Variants in KAZN observed in about 807,000 individuals in gnomAD.
KAZN encodes the protein kazrin, periplakin interacting protein, also known as kazrin.
KAZN carries 40 observed loss-of-function variants against 87.4 expected under a neutral mutation model. The ratio of observed to expected loss-of-function variants is 0.46; its 90% CI spans 0.36 to 0.60. The LOEUF is 0.60. Ranked by LOEUF, KAZN falls within the 20% of genes least tolerant of loss-of-function variation. KAZN has a pLI of 0.00. For missense variants in KAZN, 898 were observed against 1,073.9 expected (o/e 0.84, Z 2.29); for synonymous variants, 466 against 458.3 (o/e 1.02, Z -0.22).
At chr1:15,046,900 G>A (rs191821209) in intron 4 of KAZN, among the ~76,000 whole-genome samples, 2 of 152,338 alleles carry the variant, frequency 1.3e-5, no homozygotes, top group Non-Finnish European at 1.5e-5. Flanking sequence ...CATGCCTTGT[G>A]GACAGACAGA....
intron 2 of KAZN, among the ~76,000 whole-genome samples, chr1:14,299,414 A>G (rs1248324279): frequency 2.0e-5 from 3 of 152,084 alleles, no homozygotes; most frequent in Non-Finnish European, 2.9e-5. Flanking sequence ...GAGGCAGGAG[A>G]ATTGTTTGAA....
chr1:15,037,377 G>A (rs752935727), intron 3 of KAZN, among the ~76,000 whole-genome samples: 5 of 152,176 alleles, frequency 3.3e-5, no homozygotes, highest in Admixed American at 2.0e-4. Context: ...CCAGGGTCAC[G>A]CAGGGATTAA....
chr1:14,948,435 A>C (rs756862969), intron 1 of KAZN, among the ~76,000 whole-genome samples: 1 of 152,172 alleles, frequency 6.6e-6, no homozygotes, highest in African/African-American at 2.4e-5. Context: ...CCTGGTGCAG[A>C]GATTTACCTC....
At chr1:14,701,850 G>A (rs6689804) in intron 1 of KAZN, among the ~76,000 whole-genome samples, 65,005 of 151,926 alleles carry the variant, frequency 0.43, 15,118 homozygotes, top group South Asian at 0.57. Flanking sequence ...TTCCCTGACC[G>A]TCTCACACTG....
intron 1 of KAZN, among the ~76,000 whole-genome samples, chr1:14,804,789 C>G (rs202173492): frequency 6.6e-6 from 1 of 151,456 alleles, no homozygotes; most frequent in Non-Finnish European, 1.5e-5. Flanking sequence ...CAGATCAAGA[C>G]GAGCTGTGGT....
chr1:14,500,608 A>C (rs1670184198), intron 2 of KAZN, among the ~76,000 whole-genome samples: 1 of 151,990 alleles, frequency 6.6e-6, no homozygotes, highest in South Asian at 2.1e-4. Flanking sequence ...TGGAACCGAA[A>C]CACATGAAAG....
chr1:13,930,386 A>G (rs1640462132), intron 1 of KAZN, among the ~76,000 whole-genome samples: 1 of 152,170 alleles, frequency 6.6e-6, no homozygotes, highest in Admixed American at 6.5e-5. Flanking sequence ...TCGACCCACA[A>G]ATGAGAAATA....
intron 1 of KAZN, among the ~76,000 whole-genome samples, chr1:14,829,065 C>A (rs1646981040): frequency 6.6e-6 from 1 of 152,198 alleles, no homozygotes; most frequent in African/African-American, 2.4e-5. Flanking sequence ...GTTCATGATC[C>A]TTCACCTGGG....
chr1:14,808,457 C>T (rs115628758), intron 1 of KAZN, among the ~76,000 whole-genome samples: 2,049 of 150,748 alleles, frequency 0.014, 16 homozygotes, highest in African/African-American at 0.027. Flanking sequence ...CCACCACGGT[C>T]GGCTAATTTT....
intron 1 of KAZN, among the ~76,000 whole-genome samples, chr1:14,141,249 A>C (rs563433585): frequency 2.5e-4 from 38 of 151,454 alleles, no homozygotes; most frequent in Middle Eastern, 3.4e-3. Context: ...AAAAAAAAAA[A>C]AAAACAAAAC....
chr1:14,777,098 T>C (rs1291727432), intron 1 of KAZN, among the ~76,000 whole-genome samples: 1 of 152,158 alleles, frequency 6.6e-6, no homozygotes, highest in African/African-American at 2.4e-5. Flanking sequence ...CCTCCCGGGT[T>C]CACGCCAGCT....
intron 1 of KAZN, among the ~76,000 whole-genome samples, chr1:14,894,127 C>T (rs772362755): frequency 6.6e-6 from 1 of 152,062 alleles, no homozygotes; most frequent in Non-Finnish European, 1.5e-5. Flanking sequence ...AATTGCAAAC[C>T]TCCTGCCTGC....
At chr1:14,321,165 G>A (rs964117979) in intron 2 of KAZN, among the ~76,000 whole-genome samples, 5 of 152,146 alleles carry the variant, frequency 3.3e-5, no homozygotes, top group African/African-American at 1.2e-4. Flanking sequence ...TCTTTGAAGT[G>A]TATATCGTGG....
chr1:14,711,370 G>A (rs1014079950), intron 1 of KAZN, among the ~76,000 whole-genome samples: 1 of 152,028 alleles, frequency 6.6e-6, no homozygotes, highest in Non-Finnish European at 1.5e-5. Context: ...GAGGGAATAG[G>A]TGTGTAATTG....
chr1:14,971,370 C>G (rs892274342), intron 2 of KAZN, among the ~76,000 whole-genome samples: 2 of 152,156 alleles, frequency 1.3e-5, no homozygotes, highest in Non-Finnish European at 2.9e-5. Context: ...GGCACGCCAG[C>G]CTGGGCGACA....
At chr1:15,095,651 C>G (rs1257085006) in intron 10 of KAZN, among the ~76,000 whole-genome samples, 1 of 144,484 alleles carries the variant, frequency 6.9e-6, no homozygotes, top group Non-Finnish European at 1.5e-5. Context: ...GGGAAGAACT[C>G]GCTTTGTAAA....
intron 2 of KAZN, among the ~76,000 whole-genome samples, chr1:14,358,751 T>C (rs756332400): frequency 4.6e-5 from 7 of 152,236 alleles, no homozygotes; most frequent in Non-Finnish European, 7.3e-5. Context: ...AGTTTCTTAA[T>C]CCTGAGTTCT....
At chr1:14,873,995 G>A (rs576591186) in intron 1 of KAZN, among the ~76,000 whole-genome samples, 83 of 152,316 alleles carry the variant, frequency 5.4e-4, no homozygotes, top group African/African-American at 1.9e-3. Flanking sequence ...AGGGGCAGGA[G>A]CGAGTTTAGA....
chr1:15,032,772 A>G (rs932268617), intron 2 of KAZN, among the ~76,000 whole-genome samples: 1 of 151,892 alleles, frequency 6.6e-6, no homozygotes, highest in Admixed American at 6.6e-5. Context: ...AACATGGTGA[A>G]ACCCCATCTC....
Sources: gnomAD v4.1 joint callset for allele counts (sites outside exome capture counted in the v4.1 genomes callset) on GRCh38, gnomAD v4.1.1 for gene constraint, MANE v1.5 for transcripts, NCBI Gene and HGNC (gene_info 2026-07-23, HGNC 2026-07-21) for gene names.